The following CELF2 variants were observed in gnomAD, a reference collection of about 807,000 sequenced individuals.
CELF2 encodes the protein CUG triplet repeat RNA-binding protein 2.
Under a neutral mutation model 62.6 loss-of-function variants are expected in CELF2, and 8 were observed. The ratio of observed to expected loss-of-function variants is 0.13; its 90% CI spans 0.07 to 0.23. CELF2 has a LOEUF of 0.23. Among genes scored for constraint, CELF2 ranks in the 10% least tolerant of loss-of-function variants. The pLI is 1.00. For missense variants in CELF2, 333 were observed against 671.0 expected (o/e 0.50, Z 5.56); for synonymous variants, 258 against 250.0 (o/e 1.03, Z -0.30).
chr10:11,053,857 A>G (rs920630810), intron 1 of CELF2, among the ~76,000 whole-genome samples: 2 of 151,446 alleles, frequency 1.3e-5, no homozygotes, highest in Non-Finnish European at 2.9e-5. Context: ...CTCGTGATCC[A>G]CCCGCCTCGG....
At chr10:10,661,365 G>A in the CELF2 span, among the ~76,000 whole-genome samples, 11 of 152,310 alleles carry the variant, frequency 7.2e-5, no homozygotes, top group South Asian at 2.1e-3. Flanking sequence ...TGCTGAGTTG[G>A]ATTCGGTTTT....
rs148264200 is a variant in CELF2 at position 10,803,643 on chromosome 10, C to T, written c.53+4826C>T. ...AACAGCCAGTACTCAACTATATTGA[C>T]TTATAAAAATGTTCACTTCGTATGG... is the stretch of plus-strand genomic sequence containing the variant. On this transcript the variant is annotated intron_variant, in intron 1 of 13. Transcript: ENST00000636488. Among the ~76,000 whole-genome samples the T allele has an allele frequency of 6.6e-5, 10 of 152,318 alleles. No individual in the cohort carries two copies. In the East Asian group the frequency reaches 1.9e-3, roughly 29 times the overall value.
the CELF2 span, among the ~76,000 whole-genome samples, chr10:10,757,733 T>C: frequency 6.6e-6 from 1 of 152,326 alleles, no homozygotes; most frequent in South Asian, 2.1e-4. Context: ...ACCTGTGGCT[T>C]AGTAAAGCAT....
At chr10:10,644,076 A>C in the CELF2 span, among the ~76,000 whole-genome samples, 2 of 152,152 alleles carry the variant, frequency 1.3e-5, no homozygotes, top group African/African-American at 4.8e-5. Context: ...GTTTTCTACC[A>C]GCTGACAAAA....
Position 11,157,609 on chromosome 10 carries a change from A to C in CELF2, c.75-7877A>C, listed in dbSNP as rs1005041263. Among the ~76,000 whole-genome samples, 9 of 152,212 alleles carry C rather than the reference A, an allele frequency of 5.9e-5. No homozygotes were observed. Among genetic ancestry groups the C allele is most frequent in the Non-Finnish European group, 1.2e-4 (8 of 68,042 alleles). ...TCTTCTAATTGGCCATGAGCAGCAG[A>C]AGGACATAAATGACCTATTTTTCAG... On this transcript the variant is annotated intron_variant, in intron 1 of 12. Transcript: ENST00000633077. This position sits in a 1 kb window ranked among gnomAD's most constrained non-coding sequence, Gnocchi z 4.9.
chr10:11,065,706 C>T (rs1004797847), intron 1 of CELF2, among the ~76,000 whole-genome samples: 4 of 152,058 alleles, frequency 2.6e-5, no homozygotes, highest in African/African-American at 9.7e-5. Flanking sequence ...CCCCACCCCC[C>T]GCCATTGCTG....
At chr10:10,688,424 G>A in the CELF2 span, among the ~76,000 whole-genome samples, 1 of 152,262 alleles carries the variant, frequency 6.6e-6, no homozygotes, top group East Asian at 1.9e-4. Context: ...GCCTTCCAGT[G>A]CTGCCCAGAC....
the CELF2 span, among the ~76,000 whole-genome samples, chr10:10,530,697 T>C: frequency 0.037 from 5,680 of 152,308 alleles, 337 homozygotes; most frequent in African/African-American, 0.13. Context: ...TATCACGTAT[T>C]GATACCTGGT....
chr10:11,018,199 G>A, intron 1 of CELF2, 36 bp downstream of exon 1: 1 of 1,489,614 alleles, frequency 6.7e-7, no homozygotes, highest in Non-Finnish European at 9.0e-7. Flanking sequence ...GGGCGAGCGG[G>A]CGTCCTCCTC....
chr10:10,767,758 A>G, the CELF2 span, among the ~76,000 whole-genome samples: 1 of 152,172 alleles, frequency 6.6e-6, no homozygotes, highest in Non-Finnish European at 1.5e-5. Context: ...GCACTTTGGG[A>G]GGCCGAGGCG....
chr10:11,067,914 C>T lies in CELF2; in HGVS notation c.74+49751C>T, dbSNP rs114154976. Among the ~76,000 whole-genome samples, 618 of 152,326 alleles carry T rather than the reference C, an allele frequency of 4.1e-3. 8 individuals are homozygous for T. Among genetic ancestry groups the T allele is most frequent in the African/African-American group, 0.014 (596 of 41,566 alleles). On this transcript the variant is annotated intron_variant, in intron 1 of 12. Coordinates refer to ENST00000633077, the MANE Select transcript of CELF2 (RefSeq NM_001326342.2). ...TTGAGAATTAAAACAGAACATTGAACATAGACCACCTGATCCCAGTAGGTA... is the reference window on the plus strand; with the variant it reads ...TTGAGAATTAAAACAGAACATTGAATATAGACCACCTGATCCCAGTAGGTA...
chr10:11,210,750 G>A lies in CELF2; in HGVS notation c.272-6675G>A, dbSNP rs527368076. Reference sequence around the variant, plus strand: ...CGCGGGGTCAGCTCCTGCCTTTGGCGTTGTGACTCGTTGGCATGTGATCTG... The same window carrying A: ...CGCGGGGTCAGCTCCTGCCTTTGGCATTGTGACTCGTTGGCATGTGATCTG... On this transcript the variant is annotated intron_variant, in intron 2 of 12. Transcript: ENST00000633077. Among the ~76,000 whole-genome samples the A allele has an allele frequency of 3.5e-4, 53 of 152,226 alleles. No individual in the cohort carries two copies. In the South Asian group the frequency reaches 8.3e-3, roughly 24 times the overall value.
the CELF2 span, among the ~76,000 whole-genome samples, chr10:10,684,864 G>C: frequency 1.3e-5 from 2 of 152,118 alleles, no homozygotes; most frequent in Admixed American, 6.5e-5. Context: ...AGTCAACAAG[G>C]TTTTCAGAAA....
At chr10:10,922,145 A>G (rs1466537776) in intron 2 of CELF2, among the ~76,000 whole-genome samples, 4 of 152,168 alleles carry the variant, frequency 2.6e-5, no homozygotes, top group African/African-American at 9.7e-5. Context: ...CTGTGATCCA[A>G]ATATTTAAAT....
rs1480115863 is a variant in CELF2 at position 11,311,237 on chromosome 10, C to T, written c.977-2902C>T. Among the ~76,000 whole-genome samples, 1 of 152,132 alleles carries T rather than the reference C, an allele frequency of 6.6e-6. No homozygotes were observed. Among genetic ancestry groups the T allele is most frequent in the African/African-American group, 2.4e-5 (1 of 41,404 alleles). Reference sequence around the variant, plus strand: ...CCTCTGAGAATTCATAACAATAAACCATCCCTCACGTGAGTTTACAACCCA... The same window carrying T: ...CCTCTGAGAATTCATAACAATAAACTATCCCTCACGTGAGTTTACAACCCA... On this transcript the variant is annotated intron_variant, in intron 9 of 12. Transcript: ENST00000633077. The surrounding 1 kb of genome is among the most constrained non-coding windows in gnomAD (Gnocchi z 4.7).
intron 1 of CELF2, among the ~76,000 whole-genome samples, chr10:10,891,354 A>G (rs2133908175): frequency 6.6e-6 from 1 of 152,232 alleles, no homozygotes; most frequent in African/African-American, 2.4e-5. Context: ...TCTAAGACAA[A>G]GTTGAAAGAA....
At chr10:11,138,243 T>TG (rs1191230376) in intron 1 of CELF2, among the ~76,000 whole-genome samples, 1 of 152,228 alleles carries the variant, frequency 6.6e-6, no homozygotes, top group African/African-American at 2.4e-5. Flanking sequence ...TGCCATTTCT[T>TG]GGAGATGTTT....
chr10:10,867,872 T>C (rs1044915088), intron 1 of CELF2, among the ~76,000 whole-genome samples: 3 of 152,248 alleles, frequency 2.0e-5, no homozygotes, highest in African/African-American at 7.2e-5. Context: ...TTTTGCTGGA[T>C]TCTGTCTTCG....
At chr10:11,192,218 A>C (rs1034138411) in intron 2 of CELF2, among the ~76,000 whole-genome samples, 5 of 152,166 alleles carry the variant, frequency 3.3e-5, no homozygotes, top group Non-Finnish European at 7.3e-5. Context: ...AAAATACTTC[A>C]AGAGGCGCAG....
Sources: allele counts gnomAD v4.1 joint callset (sites outside exome capture counted in the v4.1 genomes callset), GRCh38; gene constraint gnomAD v4.1.1; non-coding constraint Gnocchi (gnomAD v3.1); transcripts MANE v1.5; gene names NCBI Gene and HGNC (gene_info 2026-07-23, HGNC 2026-07-21).